Variants in SLC2A9 observed in about 807,000 individuals in gnomAD.
SLC2A9 encodes solute carrier family 2 member 9, also known as solute carrier family 2, facilitated glucose transporter member 9.
Under a neutral mutation model 50.6 loss-of-function variants are expected in SLC2A9, and 39 were observed. The observed-to-expected ratio is 0.77, with a 90% CI of 0.60 to 1.01. The LOEUF (loss-of-function observed/expected upper bound fraction) is 1.01. Among genes scored for constraint, SLC2A9 ranks in the 50% least tolerant of loss-of-function variants. The probability of loss-of-function intolerance (pLI) is 0.00; values close to 1 mark genes in which losing one functional copy is unlikely to be tolerated. For missense variants in SLC2A9, 686 were observed against 677.6 expected (o/e 1.01, Z -0.14); for synonymous variants, 324 against 276.9 (o/e 1.17, Z -1.69).
chr4:9,993,195 T>C (rs963253777), intron 3 of SLC2A9, among the ~76,000 whole-genome samples: 1 of 152,232 alleles, frequency 6.6e-6, no homozygotes, highest in African/African-American at 2.4e-5. Flanking sequence ...CAGGATCAGA[T>C]TTCAAAGCCC....
intron 3 of SLC2A9, among the ~76,000 whole-genome samples, 158 bp downstream of exon 3, chr4:9,996,623 C>T (rs1379784107): frequency 6.6e-6 from 1 of 152,192 alleles, no homozygotes; most frequent in African/African-American, 2.4e-5. Context: ...ATCTTTGGAC[C>T]TTGGTCTCTG....
intron 6 of SLC2A9, among the ~76,000 whole-genome samples, chr4:9,938,654 C>A (rs1005852291): frequency 3.9e-4 from 59 of 152,304 alleles, no homozygotes; most frequent in African/African-American, 1.4e-3. Context: ...CAGCACCCTG[C>A]ACTTCAGTGA....
At position 9,826,277 on chromosome 4, in the gene SLC2A9, A is replaced by G. The variant is rs1358071338; in HGVS notation, c.*120T>C. The G allele has an allele frequency of 1.1e-6, 1 of 940,400 alleles. No individual in the cohort carries two copies. Among genetic ancestry groups the G allele is most frequent in the Admixed American group, 1.9e-5 (1 of 52,580 alleles). The allele number at this position is 940,400 out of a possible 1,614,324, so 58.3% of individuals were successfully genotyped here. ...ATTTAATAATATAAAAGACTTGCATAGCTTCAATTCATTTAAGCTTCCCAA... is the reference window on the plus strand; with the variant it reads ...ATTTAATAATATAAAAGACTTGCATGGCTTCAATTCATTTAAGCTTCCCAA... On this transcript the variant is annotated 3_prime_UTR_variant, in exon 12 of 12. Coordinates refer to ENST00000264784, the MANE Select transcript of SLC2A9 (RefSeq NM_020041.3).
chr4:9,963,071 A>G (rs1752521760), intron 5 of SLC2A9, among the ~76,000 whole-genome samples: 1 of 152,190 alleles, frequency 6.6e-6, no homozygotes, highest in South Asian at 2.1e-4. Context: ...AGACTTCCAC[A>G]GTTTAACATG....
intron 3 of SLC2A9, among the ~76,000 whole-genome samples, chr4:9,792,343 G>GTT (rs58801443): frequency 0.016 from 2,154 of 131,166 alleles, 21 homozygotes; most frequent in Non-Finnish European, 0.024. Flanking sequence ...CACCTGGATA[G>GTT]TTTTTTTTTT....
chr4:9,775,158 T>C (rs985237960), downstream of SLC2A9, among the ~76,000 whole-genome samples: 3 of 152,182 alleles, frequency 2.0e-5, no homozygotes, highest in Non-Finnish European at 4.4e-5. Context: ...TGGCCAGCCA[T>C]TGATGCTGGT....
chr4:9,856,976 G>A (rs1378167688), intron 10 of SLC2A9, among the ~76,000 whole-genome samples: 2 of 152,136 alleles, frequency 1.3e-5, no homozygotes, highest in Admixed American at 6.5e-5. Context: ...GGGATGGGAG[G>A]AGGGTGAGGA....
downstream of SLC2A9, among the ~76,000 whole-genome samples, chr4:9,797,321 A>G (rs1173460400): frequency 6.6e-6 from 1 of 152,220 alleles, no homozygotes; most frequent in Non-Finnish European, 1.5e-5. Context: ...GAGGTTCAGT[A>G]ATTTTCTTTT....
intron 3 of SLC2A9, chr4:9,782,053 C>A: frequency 1.3e-6 from 2 of 1,482,552 alleles, no homozygotes; most frequent in East Asian, 2.4e-5. Flanking sequence ...GCAGCAACGG[C>A]ACCGCGTACC....
At chr4:10,030,392 A>G (rs1214173471) in intron 1 of SLC2A9, among the ~76,000 whole-genome samples, 1 of 152,242 alleles carries the variant, frequency 6.6e-6, no homozygotes, top group Non-Finnish European at 1.5e-5. Context: ...ATAATGGTAA[A>G]TACAAGTAAT....
intron 1 of SLC2A9, among the ~76,000 whole-genome samples, chr4:9,772,492 C>G (rs1465662922): frequency 6.6e-6 from 1 of 152,194 alleles, no homozygotes; most frequent in African/African-American, 2.4e-5. Flanking sequence ...GAGGCTCTAA[C>G]AGAATGTGGT....
intron 3 of SLC2A9, among the ~76,000 whole-genome samples, chr4:9,780,909 A>G (rs1009371318): frequency 6.6e-6 from 1 of 152,224 alleles, no homozygotes; most frequent in African/African-American, 2.4e-5. Flanking sequence ...CCTGCAAAGA[A>G]GAGGCCTCCA....
chr4:9,989,060 G>C (rs553924861), intron 3 of SLC2A9, among the ~76,000 whole-genome samples: 190 of 152,340 alleles, frequency 1.2e-3, no homozygotes, highest in Non-Finnish European at 1.7e-3. Flanking sequence ...CAGCCTGACT[G>C]GGCCTATAAG....
intron 10 of SLC2A9, among the ~76,000 whole-genome samples, chr4:9,864,499 C>T (rs1036020348): frequency 6.6e-6 from 1 of 152,174 alleles, no homozygotes; most frequent in Non-Finnish European, 1.5e-5. Flanking sequence ...TTCTTGAGTG[C>T]TTTCTATGAG....
chr4:9,898,895 G>T lies in SLC2A9; in HGVS notation c.1114-8184C>A, dbSNP rs557486038. The stretch of plus-strand genomic sequence containing the variant: ...TTCCTCAACAGGCTTTACTAGAGCC[G>T]TACTCCGTTGAGCAACCATTAATGG... On this transcript the variant is annotated intron_variant, in intron 8 of 11. Coordinates refer to ENST00000264784, the MANE Select transcript of SLC2A9 (RefSeq NM_020041.3). 6.6e-5 allele frequency among the ~76,000 whole-genome samples: 10 copies of T among 152,244 alleles called. No individual in the cohort carries two copies. In the East Asian group the frequency reaches 1.2e-3, roughly 18 times the overall value.
At chr4:10,019,157 G>A (rs552045737) in intron 1 of SLC2A9, 84 bp from the exon 2 acceptor site, 4 of 1,111,946 alleles carry the variant, frequency 3.6e-6, no homozygotes, top group African/African-American at 3.1e-5. Flanking sequence ...CCCTCAGCTG[G>A]GGGAGGCCTT....
At chr4:9,935,654 A>C (rs1746931446) in intron 6 of SLC2A9, among the ~76,000 whole-genome samples, 1 of 152,170 alleles carries the variant, frequency 6.6e-6, no homozygotes, top group South Asian at 2.1e-4. Context: ...ATGTGGAAGA[A>C]CTCAACAAGA....
chr4:9,854,883 G>T (rs986721860), intron 10 of SLC2A9, among the ~76,000 whole-genome samples: 4 of 152,158 alleles, frequency 2.6e-5, no homozygotes, highest in African/African-American at 9.7e-5. Context: ...GTCAATAGAT[G>T]CAGAAACGGC....
Position 9,890,636 on chromosome 4 carries a change from T to C in SLC2A9, c.1189A>G (p.Thr397Ala), listed in dbSNP as rs1193789412. Reference sequence around the variant, plus strand: ...TGCAGGGTCAGCGTGATGGTGAGGGTCCCAAAGAAGAGGCCCATGAGCCCA... The same window carrying C: ...TGCAGGGTCAGCGTGATGGTGAGGGCCCCAAAGAAGAGGCCCATGAGCCCA... Reference protein sequence around the residue: ...GFGLMGLFFGTLTITLTLQDH... With the variant: ...GFGLMGLFFGALTITLTLQDH... Residue 397 changes from threonine (T) to alanine (A), a missense_variant, in exon 9 of 12, where the codon ACC (threonine) becomes GCC (alanine). Coordinates refer to ENST00000264784, the MANE Select transcript of SLC2A9 (RefSeq NM_020041.3). 6 of 1,613,834 alleles carry C rather than the reference T, an allele frequency of 3.7e-6. No individual in the cohort carries two copies. In the South Asian group the frequency reaches 6.6e-5, roughly 18 times the overall value.
Sources: gnomAD v4.1 joint callset for allele counts (sites outside exome capture counted in the v4.1 genomes callset) on GRCh38, gnomAD v4.1.1 for gene constraint, MANE v1.5 for transcripts, NCBI Gene and HGNC (gene_info 2026-07-23, HGNC 2026-07-21) for gene names.